PTPRD: variants seen among roughly 807,000 people sequenced by gnomAD.
PTPRD encodes protein tyrosine phosphatase receptor type D, also known as receptor-type tyrosine-protein phosphatase delta.
PTPRD carries 34 observed loss-of-function variants against 214.5 expected under a neutral mutation model. The ratio of observed to expected loss-of-function variants is 0.16; its 90% CI spans 0.12 to 0.21. PTPRD has a LOEUF of 0.21. Ranked by LOEUF, PTPRD falls within the 10% of genes least tolerant of loss-of-function variation. The pLI, the probability that PTPRD is intolerant of heterozygous loss-of-function variation, is 1.00. For missense variants in PTPRD, 2,545 were observed against 2,398.7 expected (o/e 1.06, Z -1.27); for synonymous variants, 1,128 against 845.7 (o/e 1.33, Z -5.79).
intron 9 of PTPRD, among the ~76,000 whole-genome samples, chr9:9,385,633 A>G (rs958954560): frequency 3.3e-5 from 5 of 152,132 alleles, no homozygotes; most frequent in East Asian, 1.9e-4. Flanking sequence ...CCCAGACTGG[A>G]CAAACCTTAG....
At chr9:9,115,908 T>C (rs145226483) in intron 10 of PTPRD, among the ~76,000 whole-genome samples, 1 of 152,308 alleles carries the variant, frequency 6.6e-6, no homozygotes, top group East Asian at 1.9e-4. Flanking sequence ...AATGAAATTA[T>C]ATCCTTTGCA....
chr9:8,475,901 C>G (rs1354262718), intron 30 of PTPRD, among the ~76,000 whole-genome samples: 1 of 152,194 alleles, frequency 6.6e-6, no homozygotes, highest in African/African-American at 2.4e-5. Flanking sequence ...TTAGCCCCGT[C>G]TAGTGCAGTC....
intron 7 of PTPRD, among the ~76,000 whole-genome samples, chr9:9,705,942 G>C (rs2154418147): frequency 6.6e-6 from 1 of 152,248 alleles, no homozygotes; most frequent in South Asian, 2.1e-4. Flanking sequence ...AAGTGCAATA[G>C]ACGATGGTCT....
At chr9:8,441,672 G>A (rs1411746486) in intron 34 of PTPRD, among the ~76,000 whole-genome samples, 1 of 152,094 alleles carries the variant, frequency 6.6e-6, no homozygotes, top group East Asian at 1.9e-4. Context: ...TTTGTGCTGG[G>A]GATATAAAGA....
chr9:9,695,453 C>T (rs1224465046), intron 7 of PTPRD, among the ~76,000 whole-genome samples: 2 of 152,294 alleles, frequency 1.3e-5, no homozygotes, highest in East Asian at 3.9e-4. Flanking sequence ...CATGGTGTCT[C>T]CCTAGGTCAT....
At chr9:9,882,335 C>T (rs570669577) in intron 5 of PTPRD, among the ~76,000 whole-genome samples, 3 of 151,976 alleles carry the variant, frequency 2.0e-5, no homozygotes, top group Non-Finnish European at 2.9e-5. Context: ...AAGGTTTTCC[C>T]ATCATTTTTG....
chr9:9,802,098 G>A (rs1234889925), intron 5 of PTPRD, among the ~76,000 whole-genome samples: 1 of 151,972 alleles, frequency 6.6e-6, no homozygotes, highest in Non-Finnish European at 1.5e-5. Flanking sequence ...AGTTGCTTAA[G>A]GTTTATTAGA....
At chr9:9,858,075 C>T (rs546175987) in intron 5 of PTPRD, among the ~76,000 whole-genome samples, 10 of 152,102 alleles carry the variant, frequency 6.6e-5, no homozygotes, top group Non-Finnish European at 1.0e-4. Context: ...TTCCTTTAAC[C>T]AGACATTCAG....
intron 11 of PTPRD, among the ~76,000 whole-genome samples, chr9:8,781,209 CA>C (rs1599587319): frequency 6.6e-6 from 1 of 152,268 alleles, no homozygotes; most frequent in South Asian, 2.1e-4. Context: ...TTATCATCGG[CA>C]GGGGGCAATC....
rs1587137936 is a variant in PTPRD, at chr9:8,315,071, TATG to T, written c.*2800_*2802del. The stretch of plus-strand genomic sequence containing the variant: ...AGGTAAATAATAGCACCGTACTGGT[TATG>T]ATGATGAAAATAACTGGAAACTTGA... On this transcript the variant is annotated 3_prime_UTR_variant, in exon 46 of 46. Coordinates refer to ENST00000381196, the MANE Select transcript of PTPRD (RefSeq NM_002839.4). 39 of 232,618 alleles carry T rather than the reference TATG, an allele frequency of 1.7e-4. No homozygotes were observed. In the East Asian group the frequency reaches 2.4e-3, roughly 14 times the overall value. 14.4% of individuals were successfully genotyped at this position (232,618 alleles called of 1,614,324 possible). A position where few individuals can be genotyped will look rare whatever the true frequency, so the allele number is the denominator to read the frequency against.
chr9:9,974,817 C>T (rs1025324675), intron 4 of PTPRD, among the ~76,000 whole-genome samples: 4 of 152,010 alleles, frequency 2.6e-5, no homozygotes, highest in South Asian at 4.1e-4. Context: ...AGTAAATATT[C>T]GTTGAATTAA....
At chr9:8,673,912 C>A (rs1188420142) in intron 12 of PTPRD, among the ~76,000 whole-genome samples, 2 of 152,128 alleles carry the variant, frequency 1.3e-5, no homozygotes, top group East Asian at 1.9e-4. Context: ...CCACCCAGTA[C>A]ATGCCAGTAG....
At chr9:9,480,901 A>G (rs2095381749) in intron 8 of PTPRD, among the ~76,000 whole-genome samples, 1 of 152,194 alleles carries the variant, frequency 6.6e-6, no homozygotes, top group Non-Finnish European at 1.5e-5. Context: ...AGGATTAATC[A>G]TGCTGTCTAC....
intron 10 of PTPRD, among the ~76,000 whole-genome samples, chr9:9,158,842 T>C (rs2099883668): frequency 6.6e-6 from 1 of 152,074 alleles, no homozygotes; most frequent in South Asian, 2.1e-4. Flanking sequence ...CAACAACACA[T>C]TAAAATAATC....
intron 4 of PTPRD, among the ~76,000 whole-genome samples, chr9:9,984,454 G>T (rs1022693892): frequency 6.6e-6 from 1 of 152,112 alleles, no homozygotes; most frequent in African/African-American, 2.4e-5. Context: ...TTATCGGTGT[G>T]CCAGACTGGA....
chr9:9,651,035 A>G (rs1053018338), intron 7 of PTPRD, among the ~76,000 whole-genome samples: 3 of 152,126 alleles, frequency 2.0e-5, no homozygotes, highest in Non-Finnish European at 4.4e-5. Flanking sequence ...GATTACCCTT[A>G]TTGTATAATA....
chr9:10,232,231 A>G (rs896560781), intron 3 of PTPRD, among the ~76,000 whole-genome samples: 1 of 151,734 alleles, frequency 6.6e-6, no homozygotes, highest in East Asian at 2.0e-4. Flanking sequence ...TTCCTTTATA[A>G]GTTTCTCCGG....
intron 11 of PTPRD, among the ~76,000 whole-genome samples, chr9:8,999,087 A>G (rs1326056625): frequency 1.3e-5 from 2 of 152,084 alleles, no homozygotes; most frequent in African/African-American, 2.4e-5. Flanking sequence ...TGCTGTGAAC[A>G]TTGTTGAAAT....
At position 10,378,617 on chromosome 9, in the gene PTPRD, G is replaced by A. The variant is rs117241717; in HGVS notation, c.-599-37600C>T. Among the ~76,000 whole-genome samples, 1,174 of 152,022 alleles carry A rather than the reference G, an allele frequency of 7.7e-3. 13 individuals are homozygous for A. The highest frequency in any genetic ancestry group is 0.012 in the Non-Finnish European group (815 of 67,940). On this transcript the variant is annotated intron_variant, in intron 2 of 45. Coordinates refer to ENST00000381196, the MANE Select transcript of PTPRD (RefSeq NM_002839.4). Reference sequence around the variant, plus strand: ...TTATTGGAACCTATATCAAAAATGAGTTCACCATAGGTATATGGACTTGTT... The same window carrying A: ...TTATTGGAACCTATATCAAAAATGAATTCACCATAGGTATATGGACTTGTT...
Sources: gnomAD v4.1 joint callset for allele counts (sites outside exome capture counted in the v4.1 genomes callset) on GRCh38, gnomAD v4.1.1 for gene constraint, MANE v1.5 for transcripts, NCBI Gene and HGNC (gene_info 2026-07-23, HGNC 2026-07-21) for gene names.